MAML3: variants seen among roughly 807,000 people sequenced by gnomAD.
The protein encoded by MAML3 is mastermind-like protein 3.
A neutral mutation model predicts 101.9 loss-of-function variants in MAML3; 27 were observed. That is an observed-to-expected ratio of 0.27 (90% CI 0.20 to 0.37). MAML3 has a LOEUF of 0.37. Among genes scored for constraint, MAML3 ranks in the 10% least tolerant of loss-of-function variants. The probability of loss-of-function intolerance (pLI) is 1.00; values close to 1 mark genes in which losing one functional copy is unlikely to be tolerated. For missense variants in MAML3, 1,316 were observed against 1,444.9 expected (o/e 0.91, Z 1.45); for synonymous variants, 501 against 555.9 (o/e 0.90, Z 1.39).
chr4:139,763,807 G>A (rs1729801891), intron 2 of MAML3, among the ~76,000 whole-genome samples: 1 of 152,222 alleles, frequency 6.6e-6, no homozygotes, highest in South Asian at 2.1e-4. Context: ...GGTGGGCAGA[G>A]TGCTGGAACA....
intron 2 of MAML3, among the ~76,000 whole-genome samples, chr4:139,810,079 T>C (rs1158304888): frequency 6.6e-6 from 1 of 152,032 alleles, no homozygotes; most frequent in African/African-American, 2.4e-5. Flanking sequence ...AGTCTTATAT[T>C]CAGACATTCT....
chr4:139,729,717 A>G (rs1351818091), intron 3 of MAML3, among the ~76,000 whole-genome samples: 1 of 152,216 alleles, frequency 6.6e-6, no homozygotes, highest in Non-Finnish European at 1.5e-5. Context: ...ATTGAAATCT[A>G]CAGTAGCAGT....
intron 1 of MAML3, among the ~76,000 whole-genome samples, chr4:140,002,412 T>C (rs751240292): frequency 2.6e-5 from 4 of 152,346 alleles, no homozygotes; most frequent in Admixed American, 1.3e-4. Flanking sequence ...TGAAAAGTTA[T>C]TTCCATTGAG....
intron 2 of MAML3, among the ~76,000 whole-genome samples, chr4:139,884,997 G>T (rs1732298665): frequency 6.6e-6 from 1 of 152,222 alleles, no homozygotes; most frequent in Non-Finnish European, 1.5e-5. Context: ...TGTGACCATA[G>T]TAAGTTCTAT....
chr4:140,005,250 T>C (rs930338080), intron 1 of MAML3, among the ~76,000 whole-genome samples: 1 of 152,214 alleles, frequency 6.6e-6, no homozygotes, highest in Non-Finnish European at 1.5e-5. Flanking sequence ...TAGAGATTCC[T>C]AATCCTCCTT....
chr4:139,790,244 A>ATAT (rs1560795077), intron 2 of MAML3, among the ~76,000 whole-genome samples: 61 of 95,442 alleles, frequency 6.4e-4, no homozygotes, highest in African/African-American at 1.9e-3. Context: ...TATATATATA[A>ATAT]ATAAATATAT....
intron 2 of MAML3, among the ~76,000 whole-genome samples, chr4:139,802,751 C>T (rs1442286129): frequency 2.0e-5 from 3 of 152,164 alleles, no homozygotes; most frequent in Non-Finnish European, 2.9e-5. Context: ...TGTGGGCCTC[C>T]AGCCAGTTAA....
At chr4:139,976,151 G>A (rs1291627017) in intron 1 of MAML3, among the ~76,000 whole-genome samples, 2 of 152,202 alleles carry the variant, frequency 1.3e-5, no homozygotes, top group Non-Finnish European at 2.9e-5. Context: ...ACTTCAGCCT[G>A]AATGCTGGGC....
At chr4:140,114,580 C>A (rs948068664) in intron 1 of MAML3, among the ~76,000 whole-genome samples, 5 of 152,190 alleles carry the variant, frequency 3.3e-5, no homozygotes, top group Non-Finnish European at 7.3e-5. Context: ...GACTAAGTAT[C>A]AATGTATTTC....
At chr4:140,146,303 A>G (rs1729063687) in intron 1 of MAML3, among the ~76,000 whole-genome samples, 1 of 152,076 alleles carries the variant, frequency 6.6e-6, no homozygotes, top group Admixed American at 6.5e-5. Context: ...TTCTGTCCCA[A>G]ATGGAGAAAG....
At chr4:139,967,436 G>A (rs1274196057) in intron 1 of MAML3, among the ~76,000 whole-genome samples, 3 of 148,956 alleles carry the variant, frequency 2.0e-5, no homozygotes, top group Non-Finnish European at 3.0e-5. Flanking sequence ...AAAAAATAAC[G>A]TGGAAAAAAT....
intron 1 of MAML3, among the ~76,000 whole-genome samples, chr4:140,079,441 C>G (rs1248325439): frequency 6.6e-6 from 1 of 151,976 alleles, no homozygotes; most frequent in East Asian, 1.9e-4. Context: ...TTACAGGCAC[C>G]CACCACCACA....
intron 2 of MAML3, among the ~76,000 whole-genome samples, chr4:139,854,694 G>C (rs2111159032): frequency 6.6e-6 from 1 of 152,234 alleles, no homozygotes; most frequent in East Asian, 1.9e-4. Flanking sequence ...GGAGACCTCT[G>C]TCCTAAGGGC....
chr4:139,826,645 C>A (rs1489077934), intron 2 of MAML3, among the ~76,000 whole-genome samples: 1 of 152,272 alleles, frequency 6.6e-6, no homozygotes, highest in East Asian at 1.9e-4. Flanking sequence ...CGCAGAGGCT[C>A]CCTGAGTGTA....
At chr4:139,935,289 A>G (rs1404051262) in intron 1 of MAML3, among the ~76,000 whole-genome samples, 1 of 151,310 alleles carries the variant, frequency 6.6e-6, no homozygotes, top group Admixed American at 6.6e-5. Flanking sequence ...ACAATCCATC[A>G]GCCATAAGTG....
At chr4:139,866,470 T>A (rs1731901240) in intron 2 of MAML3, among the ~76,000 whole-genome samples, 1 of 152,146 alleles carries the variant, frequency 6.6e-6, no homozygotes, top group African/African-American at 2.4e-5. Flanking sequence ...TCAGACTCAG[T>A]CACCGACAGA....
At chr4:139,970,993 C>G (rs1734225253) in intron 1 of MAML3, among the ~76,000 whole-genome samples, 1 of 152,180 alleles carries the variant, frequency 6.6e-6, no homozygotes, top group Non-Finnish European at 1.5e-5. Context: ...CCTGTCTCTA[C>G]TGTTAACTAG....
intron 1 of MAML3, among the ~76,000 whole-genome samples, chr4:139,921,876 C>T (rs565276340): frequency 8.5e-5 from 13 of 152,350 alleles, no homozygotes; most frequent in Non-Finnish European, 1.5e-4. Context: ...ATGTTAAACA[C>T]AGTCCTCTGA....
chr4:139,803,335 A>G (rs1285734401), intron 2 of MAML3, among the ~76,000 whole-genome samples: 4 of 152,252 alleles, frequency 2.6e-5, no homozygotes, highest in African/African-American at 4.8e-5. Context: ...TTAAAATCAT[A>G]GTTTATCATA....
Sources: allele counts gnomAD v4.1 joint callset (sites outside exome capture counted in the v4.1 genomes callset), GRCh38; gene constraint gnomAD v4.1.1; transcripts MANE v1.5; gene names NCBI Gene and HGNC (gene_info 2026-07-23, HGNC 2026-07-21).